THSD4: variants seen among roughly 807,000 people sequenced by gnomAD.
THSD4 encodes the protein thrombospondin type-1 domain-containing protein 4.
THSD4 carries 69 observed loss-of-function variants against 119.0 expected under a neutral mutation model. The observed-to-expected ratio is 0.58, with a 90% CI of 0.48 to 0.71. THSD4 has a LOEUF of 0.71. Ranked by LOEUF, THSD4 falls within the 30% of genes least tolerant of loss-of-function variation. THSD4 has a pLI of 0.00. For synonymous variants in THSD4, 524 were observed against 540.4 expected (o/e 0.97, Z 0.42); for missense variants, 1,393 against 1,391.1 (o/e 1.00, Z -0.02).
intron 7 of THSD4, among the ~76,000 whole-genome samples, chr15:71,412,088 A>C (rs2046697572): frequency 1.3e-5 from 2 of 152,220 alleles, no homozygotes; most frequent in African/African-American, 4.8e-5. Flanking sequence ...CACAAGGGAC[A>C]CAGCAATCTT....
At chr15:71,469,954 C>T (rs535921703) in intron 7 of THSD4, among the ~76,000 whole-genome samples, 2 of 152,146 alleles carry the variant, frequency 1.3e-5, no homozygotes, top group East Asian at 3.9e-4. Flanking sequence ...GTCAAATGAG[C>T]ACAGAGGAGA....
intron 7 of THSD4, among the ~76,000 whole-genome samples, chr15:71,531,572 G>T (rs2048610445): frequency 1.3e-5 from 2 of 152,236 alleles, no homozygotes; most frequent in Non-Finnish European, 2.9e-5. Context: ...CTTTGCTGCA[G>T]ACTTGTCATG....
chr15:71,514,927 A>T (rs888404380), intron 7 of THSD4, among the ~76,000 whole-genome samples: 5 of 152,196 alleles, frequency 3.3e-5, no homozygotes, highest in Non-Finnish European at 5.9e-5. Flanking sequence ...AACCTCTGCT[A>T]CTACATATTT....
intron 7 of THSD4, among the ~76,000 whole-genome samples, chr15:71,467,942 A>G (rs572069037): frequency 1.3e-5 from 2 of 150,400 alleles, no homozygotes; most frequent in African/African-American, 2.5e-5. Flanking sequence ...TCCATCTCCC[A>G]GGTTCAAGCA....
At chr15:71,775,636 G>A (rs1447745584) in intron 17 of THSD4, among the ~76,000 whole-genome samples, 1 of 152,142 alleles carries the variant, frequency 6.6e-6, no homozygotes, top group Non-Finnish European at 1.5e-5. Flanking sequence ...GCTTGGACCC[G>A]GGAGGCAGAG....
At chr15:71,211,179 G>A (rs988655306) in intron 3 of THSD4, among the ~76,000 whole-genome samples, 2 of 152,050 alleles carry the variant, frequency 1.3e-5, no homozygotes, top group Admixed American at 1.3e-4. Context: ...TAGAATTTTG[G>A]TGCTTTATTT....
At chr15:71,372,639 A>G (rs912370340) in intron 6 of THSD4, among the ~76,000 whole-genome samples, 1 of 152,234 alleles carries the variant, frequency 6.6e-6, no homozygotes, top group Non-Finnish European at 1.5e-5. Context: ...TTCCTCTGGA[A>G]GCTTCGTCTC....
chr15:71,561,893 C>A lies in THSD4; in HGVS notation c.1153-98637C>A, dbSNP rs1355705363. Among the ~76,000 whole-genome samples, 433 of 100,508 alleles carry A rather than the reference C, an allele frequency of 4.3e-3. 7 individuals are homozygous for A. The highest frequency in any genetic ancestry group is 8.0e-3 in the African/African-American group (172 of 21,492). The allele number at this position is 100,508 out of a possible 152,430, so 65.9% of individuals were successfully genotyped here. On this transcript the variant is annotated intron_variant, in intron 7 of 17. Transcript: ENST00000261862. ...ACACACACACACACACACACACACA[C>A]ACACACACACACACACACACACACA...
rs1004134980 is a variant in THSD4, at chr15:71,597,799, C to A, written c.1153-62731C>A. On this transcript the variant is annotated intron_variant, in intron 7 of 17. Transcript: ENST00000261862. ...TGGGAAAGCAGATCCCTTCTCGTCCCCAGGCGTGGCTTCCAAGATGCCAGG... is the reference window on the plus strand; with the variant it reads ...TGGGAAAGCAGATCCCTTCTCGTCCACAGGCGTGGCTTCCAAGATGCCAGG... Among the ~76,000 whole-genome samples the A allele has an allele frequency of 2.0e-5, 3 of 152,280 alleles. No homozygotes were observed. The East Asian group carries it at 5.8e-4, about 29-fold the overall frequency.
At chr15:71,288,459 C>T (rs1385293359) in intron 6 of THSD4, among the ~76,000 whole-genome samples, 2 of 152,068 alleles carry the variant, frequency 1.3e-5, no homozygotes, top group African/African-American at 4.8e-5. Flanking sequence ...AACTGATGCT[C>T]AGAGGTGTCT....
intron 7 of THSD4, among the ~76,000 whole-genome samples, chr15:71,441,592 A>G (rs2047092591): frequency 6.6e-6 from 1 of 151,222 alleles, no homozygotes. Flanking sequence ...ACGGGGTTTC[A>G]CTATGTTGGC....
At chr15:71,764,336 C>G (rs548621174) in intron 15 of THSD4, among the ~76,000 whole-genome samples, 1 of 152,332 alleles carries the variant, frequency 6.6e-6, no homozygotes, top group Non-Finnish European at 1.5e-5. Flanking sequence ...TATCAGCAAA[C>G]AGTTGTATGC....
At chr15:71,292,918 C>G (rs943395184) in intron 6 of THSD4, among the ~76,000 whole-genome samples, 1 of 152,244 alleles carries the variant, frequency 6.6e-6, no homozygotes, top group South Asian at 2.1e-4. Flanking sequence ...CCTTGTGATC[C>G]GCCCATCTTG....
chr15:71,568,568 C>CTTTTTTTTTTTTTT (rs61430926), intron 7 of THSD4, among the ~76,000 whole-genome samples: 4 of 137,882 alleles, frequency 2.9e-5, no homozygotes, highest in East Asian at 2.6e-4. Context: ...CTCTTTTTCT[C>CTTTTTTTTTTTTTT]TTTTTTTTTT....
chr15:71,448,817 C>T (rs2047224239), intron 7 of THSD4, among the ~76,000 whole-genome samples: 1 of 152,190 alleles, frequency 6.6e-6, no homozygotes, highest in African/African-American at 2.4e-5. Context: ...GGAAACCAGT[C>T]ACTGATAATA....
chr15:71,493,091 A>G (rs139113958), intron 7 of THSD4, among the ~76,000 whole-genome samples: 249 of 152,312 alleles, frequency 1.6e-3, no homozygotes, highest in African/African-American at 5.8e-3. Context: ...AAAATAAATA[A>G]ACCTGCTTGA....
rs188803672 is a variant in THSD4, at chr15:71,150,619, C to G, written c.30-4244C>G. ...GGGCCCAGTAAATGAAGAGAAGAAG[C>G]ATTTGAACATCTAAATGTAATTTGT... On this transcript the variant is annotated intron_variant, in intron 2 of 17. Transcript: ENST00000261862. 2.9e-3 allele frequency among the ~76,000 whole-genome samples: 437 copies of G among 152,314 alleles called. 4 individuals carry two copies. The highest frequency in any genetic ancestry group is 8.7e-3 in the Admixed American group (133 of 15,300).
intron 1 of THSD4, among the ~76,000 whole-genome samples, chr15:71,133,119 T>C (rs964229755): frequency 2.0e-5 from 3 of 152,196 alleles, no homozygotes; most frequent in African/African-American, 7.2e-5. Flanking sequence ...TATAAACTGC[T>C]CTTGGCAGCG....
chr15:71,381,141 G>C lies in THSD4; in HGVS notation c.1016-30546G>C, dbSNP rs77917655. On this transcript the variant is annotated intron_variant, in intron 6 of 17. Transcript: ENST00000261862. ...ATTTATATCATTTTGCCTACTGCTT[G>C]ATGAGTTACAGAGTGCAGAACTTGT... Among the ~76,000 whole-genome samples the C allele has an allele frequency of 7.9e-5, 12 of 152,198 alleles. No individual in the cohort carries two copies. In the East Asian group the frequency reaches 2.3e-3, roughly 30 times the overall value.
Sources: gnomAD v4.1 joint callset for allele counts (sites outside exome capture counted in the v4.1 genomes callset) on GRCh38, gnomAD v4.1.1 for gene constraint, MANE v1.5 for transcripts, NCBI Gene and HGNC (gene_info 2026-07-23, HGNC 2026-07-21) for gene names.